KIF5C: variants seen among roughly 807,000 people sequenced by gnomAD.
The protein encoded by KIF5C is kinesin heavy chain isoform 5C.
In KIF5C, 18 loss-of-function variants were observed where a neutral mutation model predicts 125.2. The ratio of observed to expected loss-of-function variants is 0.14; its 90% CI spans 0.10 to 0.21. KIF5C has a LOEUF of 0.21. KIF5C is among the 10% of genes least tolerant of loss of function. The pLI, the probability that KIF5C is intolerant of heterozygous loss-of-function variation, is 1.00. For synonymous variants in KIF5C, 405 were observed against 434.0 expected (o/e 0.93, Z 0.83); for missense variants, 780 against 1,183.8 (o/e 0.66, Z 5.01).
rs1682102455 is a variant in KIF5C, at chr2:148,928,860, C to T, written c.218-421C>T. Among the ~76,000 whole-genome samples the T allele has an allele frequency of 2.0e-5, 3 of 152,126 alleles. No individual in the cohort carries two copies. The South Asian group carries it at 6.2e-4, about 32-fold the overall frequency. ...TAGCCTGGGCCAGCGTTTAAACTGA[C>T]CCAGATTAAATCTTCAGGAAAGAAA... On this transcript the variant is annotated intron_variant, in intron 2 of 25. Coordinates refer to ENST00000435030, the MANE Select transcript of KIF5C (RefSeq NM_004522.3).
intron 10 of KIF5C, among the ~76,000 whole-genome samples, chr2:148,955,965 C>T (rs1002493566): frequency 1.8e-4 from 28 of 152,142 alleles, no homozygotes; most frequent in African/African-American, 6.5e-4. Flanking sequence ...GTGGTTATTC[C>T]AGGGAAGCCA....
intron 1 of KIF5C, among the ~76,000 whole-genome samples, chr2:148,902,836 T>C (rs911606188): frequency 6.6e-6 from 1 of 152,252 alleles, no homozygotes; most frequent in African/African-American, 2.4e-5. Context: ...TTATGTATTA[T>C]ATTCCTAGCT....
intron 8 of KIF5C, 128 bp from the exon 9 acceptor site, chr2:148,949,711 T>A (rs531951461): frequency 6.6e-4 from 855 of 1,294,084 alleles, no homozygotes; most frequent in Non-Finnish European, 8.2e-4. Flanking sequence ...TCACTGTGGG[T>A]CTTCTCTACT....
intron 11 of KIF5C, among the ~76,000 whole-genome samples, chr2:148,969,421 C>CTGTGTG (rs1453277661): frequency 4.0e-5 from 3 of 74,588 alleles, no homozygotes; most frequent in African/African-American, 1.7e-4. Context: ...GGAAGGTTTC[C>CTGTGTG]AGTGTGTGTG....
In KIF5C at chr2:148,994,424, G is replaced by A. The variant is rs764153963; in HGVS notation, c.1909G>A (p.Glu637Lys). ...AACQLLISQH[E>K]AKIKSLTDYM... is the part of the protein sequence containing the mutation. ...CTTCCTTTTTGCTTGTTTAAAGCAC[G>A]AAGCCAAGATCAAGTCTCTGACAGA... Residue 637 changes from glutamate to lysine, a missense_variant, in exon 17 of 26, where the codon GAA becomes AAA. Physicochemically the swap from Glu to Lys is moderately conservative, Grantham distance 56 (BLOSUM62 1). Around this residue, in one of 2 missense-constraint regions of KIF5C, gnomAD observed 573 missense variants for 742.6 expected, o/e 0.77. Transcript: ENST00000435030. 46 of 1,560,020 alleles carry A rather than the reference G, an allele frequency of 2.9e-5. No homozygotes were observed. The highest frequency in any genetic ancestry group is 3.8e-5 in the Non-Finnish European group (44 of 1,152,312).
chr2:149,005,362 C>T, intron 21 of KIF5C, 31 bp from the exon 22 acceptor site: 2 of 1,608,486 alleles, frequency 1.2e-6, no homozygotes, highest in Non-Finnish European at 8.5e-7. Context: ...TGAATTGCTG[C>T]ACTTAAGTGG....
intron 12 of KIF5C, 46 bp downstream of exon 12, chr2:148,973,557 A>G: frequency 6.5e-7 from 1 of 1,545,030 alleles, no homozygotes; most frequent in African/African-American, 1.4e-5. Context: ...ACAAAGATGA[A>G]AGATGGCAGG....
At chr2:148,930,605 G>A (rs945478362) in intron 3 of KIF5C, among the ~76,000 whole-genome samples, 1 of 152,158 alleles carries the variant, frequency 6.6e-6, no homozygotes, top group African/African-American at 2.4e-5. Context: ...TTGAAGAGGA[G>A]ATTTCAAAGG....
chr2:148,963,789 A>G (rs1415477109), intron 11 of KIF5C, among the ~76,000 whole-genome samples: 2 of 152,104 alleles, frequency 1.3e-5, no homozygotes. Flanking sequence ...GTGGGCAATG[A>G]ACCTTTTTTC....
In KIF5C at chr2:148,924,094, G is replaced by A. The variant is rs117969338; in HGVS notation, c.217+1867G>A. Among the ~76,000 whole-genome samples, 955 of 152,230 alleles carry A rather than the reference G, an allele frequency of 6.3e-3. 16 individuals carry two copies. Among genetic ancestry groups the A allele is most frequent in the East Asian group, 0.053 (273 of 5,184 alleles). On this transcript the variant is annotated intron_variant, in intron 2 of 25. Transcript: ENST00000435030. The surrounding 1 kb of genome is among the most constrained non-coding windows in gnomAD (Gnocchi z 4.0). The stretch of plus-strand genomic sequence containing the variant: ...TCTCCCTTAAAAAGGAATTGATGAA[G>A]GTCTGATTGGATTTCACAAATATCC...
chr2:148,883,049 C>G (rs938603485), intron 1 of KIF5C, among the ~76,000 whole-genome samples: 1 of 152,156 alleles, frequency 6.6e-6, no homozygotes, highest in African/African-American at 2.4e-5. Context: ...TGACCTCTGT[C>G]CAGCTCTGGC....
intron 19 of KIF5C, chr2:149,000,056 G>T (rs777853011): frequency 2.8e-5 from 5 of 180,848 alleles, no homozygotes; most frequent in Non-Finnish European, 5.7e-5. Context: ...GCCAAATCAG[G>T]TTCCCCAAGT....
In KIF5C at chr2:148,929,369, T is replaced by G. The variant is rs1050872531; in HGVS notation, c.291+15T>G. ...ACACCATGGAGGTAAGATTACAATG[T>G]GCTCTAATGCGAATCTCTGAGATGA... On this transcript the variant is annotated intron_variant, in intron 3 of 25. Transcript: ENST00000435030. 1.1e-5 allele frequency: 16 copies of G among 1,491,448 alleles called. No homozygotes were observed. Among genetic ancestry groups the G allele is most frequent in the African/African-American group, 1.4e-5 (1 of 72,106 alleles). 92.4% of individuals were successfully genotyped at this position (1,491,448 alleles called of 1,614,324 possible). A position where few individuals can be genotyped will look rare whatever the true frequency, so the allele number is the denominator to read the frequency against.
chr2:148,933,795 A>G (rs934110843), intron 3 of KIF5C, among the ~76,000 whole-genome samples: 1 of 151,102 alleles, frequency 6.6e-6, no homozygotes, highest in Admixed American at 6.6e-5. Context: ...CATACCCCCC[A>G]TATACATGAT....
At chr2:149,011,784 TG>T in intron 25 of KIF5C, 101 bp downstream of exon 25, 9 of 1,471,176 alleles carry the variant, frequency 6.1e-6, no homozygotes, top group South Asian at 1.3e-5. Flanking sequence ...AGAGGAGTTC[TG>T]CTCTACTCCA....
Position 148,917,561 on chromosome 2 carries a change from G to T in KIF5C, c.127-4576G>T, listed in dbSNP as rs546121633. Among the ~76,000 whole-genome samples, 4 of 152,344 alleles carry T rather than the reference G, an allele frequency of 2.6e-5. 1 individual carries two copies. The South Asian group carries it at 8.3e-4, about 32-fold the overall frequency. Reference sequence around the variant, plus strand: ...AGAGTATAAAAGGGCATGGGTCATCGTGGTTGGTGATGGTGTTGGTGACAG... The same window carrying T: ...AGAGTATAAAAGGGCATGGGTCATCTTGGTTGGTGATGGTGTTGGTGACAG... On this transcript the variant is annotated intron_variant, in intron 1 of 25. Transcript: ENST00000435030.
At chr2:148,953,752 A>G (rs1682725007) in intron 10 of KIF5C, among the ~76,000 whole-genome samples, 1 of 152,166 alleles carries the variant, frequency 6.6e-6, no homozygotes, top group African/African-American at 2.4e-5. Flanking sequence ...ACAGTGTAGT[A>G]TGTGTTTCGA....
chr2:148,994,685 G>T, intron 17 of KIF5C, 147 bp downstream of exon 17: 4 of 1,027,104 alleles, frequency 3.9e-6, no homozygotes, highest in Non-Finnish European at 5.3e-6. Flanking sequence ...AAAAAGGAGC[G>T]ATTTCTTTTC....
intron 19 of KIF5C, 63 bp downstream of exon 19, chr2:148,998,572 CTGGAAGGATG>C: frequency 6.5e-7 from 1 of 1,546,334 alleles, no homozygotes; most frequent in East Asian, 2.5e-5. Context: ...TTGGGGAAGC[CTGGAAGGATG>C]TGGCTCTTAG....
Sources: gnomAD v4.1 joint callset for allele counts (sites outside exome capture counted in the v4.1 genomes callset) on GRCh38, gnomAD v4.1.1 for gene constraint, gnomAD v4.1.1 regional missense constraint, Gnocchi (gnomAD v3.1) non-coding constraint, MANE v1.5 for transcripts, NCBI Gene and HGNC (gene_info 2026-07-23, HGNC 2026-07-21) for gene names.